The following KCNAB1 variants were observed in gnomAD, a reference collection of about 807,000 sequenced individuals.
The protein encoded by KCNAB1 is potassium voltage-gated channel subfamily A regulatory beta subunit 1.
A neutral mutation model predicts 64.6 loss-of-function variants in KCNAB1; 35 were observed. The ratio of observed to expected loss-of-function variants is 0.54; its 90% CI spans 0.41 to 0.72. The LOEUF (loss-of-function observed/expected upper bound fraction) is 0.72. Ranked by LOEUF, KCNAB1 falls within the 30% of genes least tolerant of loss-of-function variation. The pLI, the probability that KCNAB1 is intolerant of heterozygous loss-of-function variation, is 0.00. For missense variants in KCNAB1, 401 were observed against 512.9 expected, an observed-to-expected ratio of 0.78 and a Z score of 2.11; for synonymous variants, 177 against 183.8, an observed-to-expected ratio of 0.96 and a Z score of 0.30.
intron 1 of KCNAB1, among the ~76,000 whole-genome samples, chr3:156,295,555 A>C (rs1033684517): frequency 6.6e-6 from 1 of 152,226 alleles, no homozygotes; most frequent in Non-Finnish European, 1.5e-5. Flanking sequence ...AATATTGCAT[A>C]AAACTGGTTA....
chr3:156,416,557 G>T lies in KCNAB1; in HGVS notation c.276-5059G>T, dbSNP rs896407290. Among the ~76,000 whole-genome samples, 13 of 152,020 alleles carry T rather than the reference G, an allele frequency of 8.6e-5. No homozygotes were observed. In the South Asian group the frequency reaches 1.0e-3, roughly 12 times the overall value. On this transcript the variant is annotated intron_variant, in intron 1 of 13. Coordinates refer to ENST00000490337, the MANE Select transcript of KCNAB1 (RefSeq NM_172160.3). ...CGCATATTAGGTCAGCTTTCTGAGG[G>T]TCCCAATTTTGTATTTAGGGCCTAC...
rs187822195 is a variant in KCNAB1 at position 156,334,041 on chromosome 3, T to G, written c.276-87575T>G. On this transcript the variant is annotated intron_variant, in intron 1 of 13. Transcript: ENST00000490337. ...TATGTATTCAAATGTATTCGGTTTT[T>G]GGGTTCGTGTCATGCTTTAAAAACC... Among the ~76,000 whole-genome samples the G allele has an allele frequency of 2.5e-3, 375 of 152,322 alleles. 1 individual carries two copies. Among genetic ancestry groups the G allele is most frequent in the African/African-American group, 8.6e-3 (358 of 41,576 alleles).
chr3:156,390,692 C>T (rs1022062082), intron 1 of KCNAB1, among the ~76,000 whole-genome samples: 2 of 152,130 alleles, frequency 1.3e-5, no homozygotes, highest in Admixed American at 6.5e-5. Flanking sequence ...ACGCCATTCT[C>T]CTGCCTCAGC....
chr3:156,412,207 AC>A (rs1197342604), intron 1 of KCNAB1, among the ~76,000 whole-genome samples: 1 of 152,198 alleles, frequency 6.6e-6, no homozygotes, highest in Non-Finnish European at 1.5e-5. Flanking sequence ...AATACAATTG[AC>A]TTTTATATCT....
At chr3:156,358,409 G>A (rs1488572769) in intron 1 of KCNAB1, among the ~76,000 whole-genome samples, 1 of 152,192 alleles carries the variant, frequency 6.6e-6, no homozygotes. Flanking sequence ...GCCATGCTGA[G>A]AGGACAGCAG....
At chr3:156,515,447 G>T (rs1244803259) in intron 10 of KCNAB1, among the ~76,000 whole-genome samples, 2 of 151,496 alleles carry the variant, frequency 1.3e-5, no homozygotes, top group East Asian at 1.9e-4. Flanking sequence ...GTTGTAAATT[G>T]TGACTGGTAT....
chr3:156,380,568 G>C (rs57671537), intron 1 of KCNAB1, among the ~76,000 whole-genome samples: 1 of 152,048 alleles, frequency 6.6e-6, no homozygotes, highest in Non-Finnish European at 1.5e-5. Context: ...CCAGGTAGAG[G>C]GATCAGCCTG....
intron 1 of KCNAB1, among the ~76,000 whole-genome samples, chr3:156,325,431 T>C (rs1576726978): frequency 6.6e-6 from 1 of 152,148 alleles, no homozygotes. Flanking sequence ...AAAGTAAATG[T>C]GATTCGTAGA....
At chr3:156,464,602 A>G (rs1193420244) in intron 6 of KCNAB1, among the ~76,000 whole-genome samples, 1 of 152,154 alleles carries the variant, frequency 6.6e-6, no homozygotes, top group Non-Finnish European at 1.5e-5. Flanking sequence ...GCAGAGGCCA[A>G]TTCTTCTTTA....
chr3:156,350,959 G>A (rs1461943225), intron 1 of KCNAB1, among the ~76,000 whole-genome samples: 1 of 152,276 alleles, frequency 6.6e-6, no homozygotes, highest in Non-Finnish European at 1.5e-5. Context: ...GACACCGTGT[G>A]TGAAAAGTTT....
At chr3:156,338,333 A>ATTTTTTTTTTT (rs1723873953) in intron 1 of KCNAB1, among the ~76,000 whole-genome samples, 1 of 9,816 alleles carries the variant, frequency 1.0e-4, no homozygotes, top group African/African-American at 5.3e-4. Context: ...TTTTTTTTAC[A>ATTTTTTTTTTT]GAGTTTAACT....
intron 1 of KCNAB1, among the ~76,000 whole-genome samples, chr3:156,343,263 T>G (rs570896340): frequency 6.6e-6 from 1 of 152,364 alleles, no homozygotes; most frequent in African/African-American, 2.4e-5. Context: ...AGTTTCTGAT[T>G]CAGTAGGTCT....
intron 1 of KCNAB1, among the ~76,000 whole-genome samples, chr3:156,316,360 G>A (rs920948592): frequency 6.6e-6 from 1 of 152,198 alleles, no homozygotes; most frequent in Admixed American, 6.5e-5. Flanking sequence ...GTTCTAGAAA[G>A]TATACCATAT....
intron 1 of KCNAB1, among the ~76,000 whole-genome samples, chr3:156,235,948 C>T (rs1716824612): frequency 6.6e-6 from 1 of 152,122 alleles, no homozygotes; most frequent in Non-Finnish European, 1.5e-5. Flanking sequence ...TTAGGGCTAC[C>T]AGTATAGAGC....
At chr3:156,127,518 G>A (rs772554856) in intron 1 of KCNAB1, among the ~76,000 whole-genome samples, 1 of 152,202 alleles carries the variant, frequency 6.6e-6, no homozygotes, top group Non-Finnish European at 1.5e-5. Flanking sequence ...TTGCATATTA[G>A]AGAAAATGTT....
intron 1 of KCNAB1, among the ~76,000 whole-genome samples, chr3:156,135,415 A>C (rs898565418): frequency 6.6e-5 from 10 of 152,210 alleles, no homozygotes; most frequent in African/African-American, 2.4e-4. Context: ...TTGTCCACTA[A>C]GCCCATGCTC....
At chr3:156,398,253 G>A (rs1045062086) in intron 1 of KCNAB1, among the ~76,000 whole-genome samples, 1 of 152,108 alleles carries the variant, frequency 6.6e-6, no homozygotes, top group Non-Finnish European at 1.5e-5. Flanking sequence ...GAAAAGGGGA[G>A]GGAAAGCACT....
At chr3:156,392,274 T>A (rs73873353) in intron 1 of KCNAB1, among the ~76,000 whole-genome samples, 2,497 of 152,306 alleles carry the variant, frequency 0.016, 67 homozygotes, top group African/African-American at 0.055. Context: ...TACAGCAGTA[T>A]CTGACAGGCA....
intron 1 of KCNAB1, among the ~76,000 whole-genome samples, chr3:156,219,359 A>C (rs1715543339): frequency 6.6e-6 from 1 of 152,056 alleles, no homozygotes; most frequent in Non-Finnish European, 1.5e-5. Context: ...AGAAGAAAGA[A>C]CTTCAGAGCT....
Sources: allele counts gnomAD v4.1 joint callset (sites outside exome capture counted in the v4.1 genomes callset), GRCh38; gene constraint gnomAD v4.1.1; transcripts MANE v1.5; gene names NCBI Gene and HGNC (gene_info 2026-07-23, HGNC 2026-07-21).